Variants in KLHL8 observed in about 807,000 individuals in gnomAD.
KLHL8 encodes the protein kelch like family member 8.
Under a neutral mutation model 63.5 loss-of-function variants are expected in KLHL8, and 38 were observed. The observed-to-expected ratio is 0.60, with a 90% CI of 0.46 to 0.78. The LOEUF (loss-of-function observed/expected upper bound fraction) is 0.78, where lower values mean the gene tolerates loss of function less well. Ranked by LOEUF, KLHL8 falls within the 30% of genes least tolerant of loss-of-function variation. KLHL8 has a pLI of 0.00. For missense variants in KLHL8, 566 were observed against 752.4 expected (o/e 0.75, Z 2.90); for synonymous variants, 224 against 254.3 (o/e 0.88, Z 1.13).
intron 1 of KLHL8, among the ~76,000 whole-genome samples, chr4:87,228,783 C>T (rs749535036): frequency 5.3e-5 from 8 of 152,158 alleles, no homozygotes; most frequent in Admixed American, 1.3e-4. Context: ...TGGACTTTGA[C>T]CATTTTTCAT....
At chr4:87,226,986 A>ATT (rs1271109753) in intron 1 of KLHL8, among the ~76,000 whole-genome samples, 16 of 59,340 alleles carry the variant, frequency 2.7e-4, no homozygotes, top group East Asian at 8.0e-4. Flanking sequence ...AATAATATAT[A>ATT]ATATATAAAT....
At chr4:87,226,793 T>TA in intron 1 of KLHL8, among the ~76,000 whole-genome samples, 1 of 12,598 alleles carries the variant, frequency 7.9e-5, no homozygotes, top group South Asian at 2.0e-3. Context: ...ATAATATATA[T>TA]TATATATAAT....
chr4:87,198,302 A>G (rs1731780335), intron 1 of KLHL8, among the ~76,000 whole-genome samples: 1 of 152,252 alleles, frequency 6.6e-6, no homozygotes, highest in South Asian at 2.1e-4. Flanking sequence ...CCTGGACAAC[A>G]GAATGAGACT....
At chr4:87,202,116 A>G (rs1284761633) in intron 1 of KLHL8, among the ~76,000 whole-genome samples, 1 of 152,118 alleles carries the variant, frequency 6.6e-6, no homozygotes, top group Non-Finnish European at 1.5e-5. Context: ...CAAAAAAAAA[A>G]AGAGAAAGTA....
intron 6 of KLHL8, among the ~76,000 whole-genome samples, chr4:87,173,685 A>G (rs1730716055): frequency 6.6e-6 from 1 of 152,252 alleles, no homozygotes; most frequent in Admixed American, 6.5e-5. Context: ...CATATTTTAA[A>G]AGATTAAAGA....
At chr4:87,202,157 G>T (rs1051017931) in intron 1 of KLHL8, among the ~76,000 whole-genome samples, 1 of 150,718 alleles carries the variant, frequency 6.6e-6, no homozygotes, top group African/African-American at 2.4e-5. Context: ...TTTACTTTCA[G>T]AAACCAGAAA....
chr4:87,216,873 G>A (rs1250214726), intron 1 of KLHL8, among the ~76,000 whole-genome samples: 1 of 152,232 alleles, frequency 6.6e-6, no homozygotes, highest in Non-Finnish European at 1.5e-5. Flanking sequence ...ATAGCTTAGA[G>A]AATGTTTTCA....
At chr4:87,214,408 C>T (rs1046834065) in intron 1 of KLHL8, among the ~76,000 whole-genome samples, 1 of 86,866 alleles carries the variant, frequency 1.2e-5, no homozygotes, top group African/African-American at 3.8e-5. Flanking sequence ...CAAACTGGCA[C>T]ATAACAGATA....
chr4:87,231,701 A>C (rs992423857), intron 1 of KLHL8, among the ~76,000 whole-genome samples: 6 of 151,924 alleles, frequency 3.9e-5, no homozygotes, highest in African/African-American at 1.5e-4. Context: ...GGTTCAAGCG[A>C]TTCTCCTGCC....
chr4:87,175,729 A>G (rs1210832554), intron 6 of KLHL8, among the ~76,000 whole-genome samples: 3 of 152,244 alleles, frequency 2.0e-5, no homozygotes, highest in Non-Finnish European at 4.4e-5. Context: ...ATCAGCATAT[A>G]TTCCAGTTTA....
chr4:87,180,865 A>C (rs964179947), intron 4 of KLHL8, among the ~76,000 whole-genome samples: 1 of 152,026 alleles, frequency 6.6e-6, no homozygotes, highest in African/African-American at 2.4e-5. Flanking sequence ...CAATATAGTG[A>C]GACCCAATCC....
Position 87,163,794 on chromosome 4 carries a change from C to T in KLHL8, c.1739+84G>A, listed in dbSNP as rs185034920. 239 of 1,528,474 alleles carry T rather than the reference C, an allele frequency of 1.6e-4. 1 individual carries two copies. Among genetic ancestry groups the T allele is most frequent in the African/African-American group, 1.3e-3 (92 of 73,160 alleles). 94.7% of individuals were successfully genotyped at this position (1,528,474 alleles called of 1,614,324 possible). On this transcript the variant is annotated intron_variant, in intron 9 of 9. Coordinates refer to ENST00000273963, the MANE Select transcript of KLHL8 (RefSeq NM_020803.5). ...ATATCCCAAAGCTTAGTATTAACTA[C>T]GACTAGCAACATTTTAACACTCTGA...
At chr4:87,238,472 C>T (rs1164251868) in intron 1 of KLHL8, among the ~76,000 whole-genome samples, 1 of 152,110 alleles carries the variant, frequency 6.6e-6, no homozygotes, top group African/African-American at 2.4e-5. Context: ...TGGAAGATAG[C>T]TTGAGCCCAG....
intron 1 of KLHL8, among the ~76,000 whole-genome samples, chr4:87,200,456 T>C (rs1269189534): frequency 6.6e-6 from 1 of 152,238 alleles, no homozygotes; most frequent in African/African-American, 2.4e-5. Flanking sequence ...AAATTTGTAT[T>C]ATTTTTATTG....
At chr4:87,200,505 T>C (rs936634719) in intron 1 of KLHL8, among the ~76,000 whole-genome samples, 2 of 152,212 alleles carry the variant, frequency 1.3e-5, no homozygotes, top group African/African-American at 4.8e-5. Flanking sequence ...TGGTTGAATC[T>C]GGGGATGTCT....
chr4:87,179,763 T>C (rs926417500), intron 4 of KLHL8, among the ~76,000 whole-genome samples: 1 of 151,922 alleles, frequency 6.6e-6, no homozygotes, highest in Non-Finnish European at 1.5e-5. Flanking sequence ...AGTGATGGAG[T>C]GAGACCCTGT....
chr4:87,196,468 T>C (rs1731705152), intron 1 of KLHL8, among the ~76,000 whole-genome samples: 1 of 152,150 alleles, frequency 6.6e-6, no homozygotes, highest in Non-Finnish European at 1.5e-5. Flanking sequence ...CTGTATGAGC[T>C]TGAGCAAATG....
chr4:87,218,974 T>TA (rs1256543405), intron 1 of KLHL8, among the ~76,000 whole-genome samples: 1 of 152,090 alleles, frequency 6.6e-6, no homozygotes, highest in Non-Finnish European at 1.5e-5. Context: ...TGACCTCAAG[T>TA]GATCCCCCCG....
At chr4:87,166,954 CAAG>C (rs1383905056) in intron 8 of KLHL8, 7 of 168,780 alleles carry the variant, frequency 4.1e-5, no homozygotes, top group Non-Finnish European at 8.8e-5. Context: ...CCGCTCCTGC[CAAG>C]AAGGCCCCGG....
Sources: allele counts gnomAD v4.1 joint callset (sites outside exome capture counted in the v4.1 genomes callset), GRCh38; gene constraint gnomAD v4.1.1; transcripts MANE v1.5; gene names NCBI Gene and HGNC (gene_info 2026-07-23, HGNC 2026-07-21).